The following KDM2B variants were observed in gnomAD, a reference collection of about 807,000 sequenced individuals.
KDM2B encodes lysine-specific demethylase 2B.
KDM2B carries 26 observed loss-of-function variants against 150.0 expected under a neutral mutation model. The ratio of observed to expected loss-of-function variants is 0.17; its 90% CI spans 0.13 to 0.24. The LOEUF (loss-of-function observed/expected upper bound fraction) is 0.24, where lower values mean the gene tolerates loss of function less well. Among genes scored for constraint, KDM2B ranks in the 10% least tolerant of loss-of-function variants. The pLI is 1.00. For synonymous variants in KDM2B, 734 were observed against 729.5 expected, an observed-to-expected ratio of 1.01 and a Z score of -0.10; for missense variants, 1,265 against 1,816.9, an observed-to-expected ratio of 0.70 and a Z score of 5.52.
intron 9 of KDM2B, among the ~76,000 whole-genome samples, chr12:121,519,137 A>C (rs1886476853): frequency 6.6e-6 from 1 of 152,282 alleles, no homozygotes; most frequent in South Asian, 2.1e-4. Context: ...GCCTCACAAC[A>C]TCTGACCACT....
At chr12:121,489,141 C>T (rs934283268) in intron 12 of KDM2B, among the ~76,000 whole-genome samples, 1 of 152,012 alleles carries the variant, frequency 6.6e-6, no homozygotes, top group Non-Finnish European at 1.5e-5. Context: ...GATGGTGTTT[C>T]ACCATGTTGG....
chr12:121,516,465 T>A, intron 9 of KDM2B: 1 of 1,329,734 alleles, frequency 7.5e-7, no homozygotes, highest in South Asian at 1.3e-5. Flanking sequence ...AAGAATTGAC[T>A]TACAAACAGG....
chr12:121,559,041 C>T (rs782518554), intron 4 of KDM2B, among the ~76,000 whole-genome samples: 1 of 152,198 alleles, frequency 6.6e-6, no homozygotes, highest in African/African-American at 2.4e-5. Context: ...CAGGCCAGGG[C>T]CAAGCCAGGG....
chr12:121,519,884 T>C (rs1886534649), intron 9 of KDM2B, among the ~76,000 whole-genome samples: 1 of 151,684 alleles, frequency 6.6e-6, no homozygotes, highest in African/African-American at 2.4e-5. Flanking sequence ...AGTCTCTGGG[T>C]TTTGTTTGTT....
At chr12:121,487,355 C>G (rs1555299087) in intron 12 of KDM2B, among the ~76,000 whole-genome samples, 1 of 152,102 alleles carries the variant, frequency 6.6e-6, no homozygotes, top group African/African-American at 2.4e-5. Context: ...ACTCCAGACT[C>G]CATAAATGAC....
chr12:121,564,460 C>T, intron 4 of KDM2B, among the ~76,000 whole-genome samples: 1 of 150,632 alleles, frequency 6.6e-6, no homozygotes. Context: ...TCCGTCTCAA[C>T]AAAAATAAAT....
intron 4 of KDM2B, among the ~76,000 whole-genome samples, chr12:121,570,985 C>T (rs1891046054): frequency 6.6e-6 from 1 of 152,154 alleles, no homozygotes. Context: ...TCTATCCATA[C>T]AATGGAATAT....
intron 4 of KDM2B, among the ~76,000 whole-genome samples, chr12:121,555,618 C>G (rs1889831288): frequency 6.6e-6 from 1 of 152,124 alleles, no homozygotes; most frequent in South Asian, 2.1e-4. Context: ...AGTCATCTGC[C>G]CACCTAGGCC....
In KDM2B at chr12:121,467,466, G is replaced by A. The variant is rs1880214880; in HGVS notation, c.1735-14122C>T. The A allele has an allele frequency of 6.7e-6, 4 of 598,074 alleles. No individual in the cohort carries two copies. Among genetic ancestry groups the A allele is most frequent in the African/African-American group, 2.0e-5 (1 of 49,248 alleles). 37.0% of individuals were successfully genotyped at this position (598,074 alleles called of 1,614,324 possible). A position where few individuals can be genotyped will look rare whatever the true frequency, so the allele number is the denominator to read the frequency against. On this transcript the variant is annotated intron_variant, in intron 12 of 22. Transcript: ENST00000377071. This position sits in a 1 kb window ranked among gnomAD's most constrained non-coding sequence, Gnocchi z 5.1. ...CCAGGAAGGGGCTGGCCCCCCGGGC[G>A]GGCGGGCCAATGGCGCGGCCGCGGC...
intron 12 of KDM2B, among the ~76,000 whole-genome samples, chr12:121,493,568 G>A (rs1330128234): frequency 1.3e-5 from 2 of 152,144 alleles, no homozygotes; most frequent in Admixed American, 1.3e-4. Context: ...CTGGATGGTG[G>A]ACTTTGAGGT....
intron 13 of KDM2B, among the ~76,000 whole-genome samples, chr12:121,447,771 G>A (rs1876521948): frequency 2.0e-5 from 3 of 151,888 alleles, no homozygotes; most frequent in South Asian, 2.1e-4. Context: ...GGGTTCAAGC[G>A]ATTCTCCCAC....
intron 21 of KDM2B, 61 bp from the exon 22 acceptor site, chr12:121,440,136 G>C: frequency 1.6e-6 from 2 of 1,287,868 alleles, no homozygotes; most frequent in Non-Finnish European, 2.2e-6. Context: ...TGGTCATGCT[G>C]ACATGACACT....
intron 11 of KDM2B, 82 bp downstream of exon 11, chr12:121,509,485 G>A: frequency 1.3e-6 from 2 of 1,549,898 alleles, no homozygotes; most frequent in Non-Finnish European, 1.7e-6. Context: ...GAGCCATCGT[G>A]AGCTGAGCTG....
chr12:121,545,060 C>A (rs1384495734), intron 6 of KDM2B, among the ~76,000 whole-genome samples: 1 of 152,198 alleles, frequency 6.6e-6, no homozygotes, highest in Non-Finnish European at 1.5e-5. Flanking sequence ...GCCATCTCTA[C>A]CCTCCAGGGC....
At chr12:121,547,586 C>T (rs1460671767) in intron 6 of KDM2B, among the ~76,000 whole-genome samples, 1 of 151,572 alleles carries the variant, frequency 6.6e-6, no homozygotes, top group Non-Finnish European at 1.5e-5. Flanking sequence ...AGCGCCAACT[C>T]TTCTAGGAAG....
intron 8 of KDM2B, among the ~76,000 whole-genome samples, chr12:121,531,907 A>G (rs1887687284): frequency 6.6e-6 from 1 of 152,144 alleles, no homozygotes; most frequent in African/African-American, 2.4e-5. Flanking sequence ...AGCCGGGACA[A>G]CATGGCAAAA....
At chr12:121,476,315 G>A (rs543394822) in intron 12 of KDM2B, among the ~76,000 whole-genome samples, 47 of 151,614 alleles carry the variant, frequency 3.1e-4, no homozygotes, top group African/African-American at 1.1e-3. Context: ...AAAATTAGCC[G>A]AGCATGGTAG....
chr12:121,546,694 C>A (rs1476721563), intron 6 of KDM2B, among the ~76,000 whole-genome samples: 3 of 149,746 alleles, frequency 2.0e-5, no homozygotes, highest in African/African-American at 7.4e-5. Context: ...TGAGCCTCCG[C>A]GCCCAGCCTC....
intron 4 of KDM2B, among the ~76,000 whole-genome samples, chr12:121,570,012 G>A (rs1890976483): frequency 6.6e-6 from 1 of 151,800 alleles, no homozygotes; most frequent in Non-Finnish European, 1.5e-5. Flanking sequence ...ACCAAGCCCA[G>A]CTAATTTTTG....
Sources: allele counts gnomAD v4.1 joint callset (sites outside exome capture counted in the v4.1 genomes callset), GRCh38; gene constraint gnomAD v4.1.1; non-coding constraint Gnocchi (gnomAD v3.1); transcripts MANE v1.5; gene names NCBI Gene and HGNC (gene_info 2026-07-23, HGNC 2026-07-21).